The following WFDC5 variants were observed in gnomAD, a reference collection of about 807,000 sequenced individuals.
WFDC5 encodes WAP four-disulfide core domain protein 5.
Under a neutral mutation model 15.7 loss-of-function variants are expected in WFDC5, and 15 were observed. That is an observed-to-expected ratio of 0.96 (90% CI 0.64 to 1.47). The LOEUF (loss-of-function observed/expected upper bound fraction) is 1.47, where lower values mean the gene tolerates loss of function less well. Among genes scored for constraint, WFDC5 ranks in the 40% most tolerant of loss-of-function variants. The pLI is 0.00. For missense variants in WFDC5, 280 were observed against 258.0 expected, an observed-to-expected ratio of 1.09 and a Z score of -0.59; for synonymous variants, 109 against 107.7, an observed-to-expected ratio of 1.01 and a Z score of -0.07.
Position 45,110,384 on chromosome 20 carries a change from C to A in WFDC5, c.383G>T (p.Cys128Phe). 3 of 1,587,126 alleles carry A rather than the reference C, an allele frequency of 1.9e-6. No homozygotes were observed. Among genetic ancestry groups the A allele is most frequent in the South Asian group, 2.3e-5 (2 of 87,844 alleles). ...GGAGAGGGGAGGCACCTGCCCTGGGCACCCAGGAGCCGTACCTCTGGCAGG... is the reference window on the plus strand; with the variant it reads ...GGAGAGGGGAGGCACCTGCCCTGGGAACCCAGGAGCCGTACCTCTGGCAGG... Residue 128 changes from cysteine to phenylalanine, a missense_variant, in exon 3 of 4, where the codon TGC (cysteine) becomes TTC (phenylalanine). Cys to Phe is a radical substitution (Grantham distance 205). Coordinates refer to ENST00000307971, the Ensembl canonical transcript of WFDC5.
chr20:45,110,511 G>C, exon 3 of WFDC5: 1 of 1,614,218 alleles, frequency 6.2e-7, no homozygotes, highest in Non-Finnish European at 8.5e-7. Context: ...AGGCAGCGCA[G>C]TTGGTCCTCT....
At chr20:45,113,055 G>A (rs1366454531) in intron 1 of WFDC5, among the ~76,000 whole-genome samples, 1 of 152,076 alleles carries the variant, frequency 6.6e-6, no homozygotes, top group African/African-American at 2.4e-5. Flanking sequence ...AGCATACACA[G>A]TCATATATAC....
chr20:45,115,119 G>A (rs1397957255), exon 1 of WFDC5: 5 of 1,596,000 alleles, frequency 3.1e-6, no homozygotes, highest in Non-Finnish European at 4.3e-6. Context: ...GGGCCCCCCA[G>A]ATTAACACCT....
chr20:45,116,277 C>G (rs1169871047), upstream of WFDC5, among the ~76,000 whole-genome samples: 1 of 152,074 alleles, frequency 6.6e-6, no homozygotes. Flanking sequence ...GAGGCTCTGT[C>G]TTCTATGATC....
At chr20:45,114,874 C>G (rs960315984) in intron 1 of WFDC5, 125 bp downstream of exon 1, 2 of 948,074 alleles carry the variant, frequency 2.1e-6, no homozygotes, top group South Asian at 3.2e-5. Flanking sequence ...CACACACGCA[C>G]GCACGCACAC....
exon 4 of WFDC5, chr20:45,109,845 G>T: frequency 2.0e-6 from 2 of 993,820 alleles, no homozygotes; most frequent in Non-Finnish European, 3.2e-6. Flanking sequence ...AACCAGGGGT[G>T]GATGGGTTGC....
chr20:45,113,182 C>G (rs1480500414), intron 1 of WFDC5, among the ~76,000 whole-genome samples: 1 of 152,208 alleles, frequency 6.6e-6, no homozygotes, highest in African/African-American at 2.4e-5. Context: ...CTCTTTGTAT[C>G]AGAGACACCC....
intron 3 of WFDC5, 36 bp downstream of exon 3, chr20:45,110,364 G>T: frequency 1.3e-6 from 2 of 1,570,066 alleles, no homozygotes; most frequent in South Asian, 2.3e-5. Flanking sequence ...GGCTCGGAGA[G>T]GGGAGGCACC....
intron 1 of WFDC5, among the ~76,000 whole-genome samples, chr20:45,112,703 C>G (rs1600609679): frequency 6.6e-6 from 1 of 152,310 alleles, no homozygotes. Flanking sequence ...AATACACAAG[C>G]ACATTTAGAT....
chr20:45,109,497 G>A (rs2145522568), exon 4 of WFDC5: 1 of 510,776 alleles, frequency 2.0e-6, no homozygotes, highest in South Asian at 3.3e-5. Context: ...ATATACAAAA[G>A]TGAGCCATTT....
chr20:45,111,023 C>T (rs13042667), intron 1 of WFDC5, among the ~76,000 whole-genome samples: 19,692 of 152,212 alleles, frequency 0.13, 1,533 homozygotes, highest in Middle Eastern at 0.18. Flanking sequence ...AGCCCAACAT[C>T]TCCACTGTGG....
At chr20:45,113,864 C>G (rs1337449156) in intron 1 of WFDC5, among the ~76,000 whole-genome samples, 2 of 151,810 alleles carry the variant, frequency 1.3e-5, no homozygotes, top group African/African-American at 4.8e-5. Flanking sequence ...CTAAGTCATT[C>G]TCTGGTCTCT....
intron 1 of WFDC5, among the ~76,000 whole-genome samples, chr20:45,111,448 G>A (rs1981619146): frequency 6.6e-6 from 1 of 152,164 alleles, no homozygotes; most frequent in Admixed American, 6.5e-5. Context: ...ACAGCAGTAG[G>A]GCTCAGTGAC....
At chr20:45,116,159 G>A (rs553892737), upstream of WFDC5, among the ~76,000 whole-genome samples, 2 of 152,240 alleles carry the variant, frequency 1.3e-5, no homozygotes, top group East Asian at 3.9e-4. Context: ...ATATTACAGG[G>A]CTTGTCTCAC....
chr20:45,113,792 G>A (rs560921979), intron 1 of WFDC5, among the ~76,000 whole-genome samples: 7 of 151,692 alleles, frequency 4.6e-5, no homozygotes, highest in Non-Finnish European at 8.8e-5. Flanking sequence ...TGTAATAGTT[G>A]GTAAAGTGAA....
intron 1 of WFDC5, among the ~76,000 whole-genome samples, chr20:45,113,826 A>G (rs1262194968): frequency 6.6e-6 from 1 of 151,788 alleles, no homozygotes; most frequent in Non-Finnish European, 1.5e-5. Flanking sequence ...AAATACTTGC[A>G]CTCATGCACT....
intron 1 of WFDC5, among the ~76,000 whole-genome samples, chr20:45,112,392 T>C (rs935683424): frequency 6.6e-6 from 1 of 152,140 alleles, no homozygotes; most frequent in African/African-American, 2.4e-5. Context: ...GCATGACAGC[T>C]GGCATTTCCA....
At chr20:45,115,222 C>T, upstream of WFDC5, 1 of 731,718 alleles carries the variant, frequency 1.4e-6, no homozygotes, top group African/African-American at 1.8e-5. Flanking sequence ...GCCCCACCCC[C>T]TGAGGGCCCG....
chr20:45,110,424 G>A (rs1487718964), exon 3 of WFDC5: 8 of 1,608,878 alleles, frequency 5.0e-6, no homozygotes, highest in East Asian at 2.2e-5. Context: ...CGGCAATCCC[G>A]CCCGCAGGCG....
Sources: allele counts gnomAD v4.1 joint callset (sites outside exome capture counted in the v4.1 genomes callset), GRCh38; gene constraint gnomAD v4.1.1; transcripts MANE v1.5; gene names NCBI Gene and HGNC (gene_info 2026-07-23, HGNC 2026-07-21).